The following ZNF470 variants were observed in gnomAD, a reference collection of about 807,000 sequenced individuals.
The protein encoded by ZNF470 is zinc finger protein 470.
A neutral mutation model predicts 13.9 loss-of-function variants in ZNF470; 13 were observed. That is an observed-to-expected ratio of 0.94 (90% CI 0.61 to 1.49). The LOEUF is 1.49. ZNF470 is among the 40% of genes most tolerant of loss of function. ZNF470 has a pLI of 0.00. For missense variants in ZNF470, 929 were observed against 857.3 expected, an observed-to-expected ratio of 1.08 and a Z score of -1.04; for synonymous variants, 293 against 282.9, an observed-to-expected ratio of 1.04 and a Z score of -0.36.
Position 56,579,025 on chromosome 19 carries a change from TGGTACACAA to T in ZNF470, c.*447_*455del, listed in dbSNP as rs368496260. 2,214 of 987,674 alleles carry T rather than the reference TGGTACACAA, an allele frequency of 2.2e-3. 4 individuals carry two copies. Among genetic ancestry groups the T allele is most frequent in the Admixed American group, 2.6e-3 (42 of 16,448 alleles). The allele number at this position is 987,674 out of a possible 1,614,324, so 61.2% of individuals were successfully genotyped here. On this transcript the variant is annotated 3_prime_UTR_variant, in exon 6 of 6. Transcript: ENST00000330619. ...AACAAACTCAGAATTGAAAGATTTA[TGGTACACAA>T]GGTAACATGGTGGCTTATCACTCCC... is the stretch of plus-strand genomic sequence containing the variant.
chr19:56,581,404 A>G lies in ZNF470; in HGVS notation c.*2821A>G. 1 of 969,302 alleles carries G rather than the reference A, an allele frequency of 1.0e-6. No homozygotes were observed. The highest frequency in any genetic ancestry group is 1.2e-6 in the Non-Finnish European group (1 of 815,222). 60.0% of individuals were successfully genotyped at this position (969,302 alleles called of 1,614,324 possible). On this transcript the variant is annotated 3_prime_UTR_variant, in exon 6 of 6. Coordinates refer to ENST00000330619, the MANE Select transcript of ZNF470 (RefSeq NM_001001668.4). ...TACATATCTATTGCTTTATGTATAT[A>G]CCCTTTGAATTAATATTCCTTGGAA... is the stretch of plus-strand genomic sequence containing the variant.
rs1333476935 is a variant in ZNF470 at position 56,579,462 on chromosome 19, A to G, written c.*879A>G. The G allele has an allele frequency of 1.0e-6, 1 of 985,342 alleles. No homozygotes were observed. Among genetic ancestry groups the G allele is most frequent in the East Asian group, 1.1e-4 (1 of 8,824 alleles). 61.0% of individuals were successfully genotyped at this position (985,342 alleles called of 1,614,324 possible). On this transcript the variant is annotated 3_prime_UTR_variant, in exon 6 of 6. Coordinates refer to ENST00000330619, the MANE Select transcript of ZNF470 (RefSeq NM_001001668.4). ...ACAAAAGCATTTGGTAGAATGTAGGACTAACCAGGGTAGGTAGTAGTAAAC... is the reference window on the plus strand; with the variant it reads ...ACAAAAGCATTTGGTAGAATGTAGGGCTAACCAGGGTAGGTAGTAGTAAAC...
rs1430448988 is a variant in ZNF470 at position 56,577,277 on chromosome 19, C to T, written c.848C>T (p.Pro283Leu). ...QHQRIHTGEK[P>L]FECTECGKAF... ...CAGAGAATACACACAGGAGAAAAAC[C>T]TTTTGAATGTACTGAATGTGGGAAA... The change falls in exon 6 of 6, where the codon CCT becomes CTT. Residue 283 changes from proline (P) to leucine (L), a missense_variant. Physicochemically the swap from Pro to Leu is moderately conservative, Grantham distance 98. Coordinates refer to ENST00000330619, the MANE Select transcript of ZNF470 (RefSeq NM_001001668.4). The T allele has an allele frequency of 1.9e-6, 3 of 1,613,138 alleles. No homozygotes were observed. The highest frequency in any genetic ancestry group is 2.5e-6 in the Non-Finnish European group (3 of 1,179,552).
Position 56,582,252 on chromosome 19 carries a change from A to G in ZNF470, c.*3669A>G. 1 of 985,334 alleles carries G rather than the reference A, an allele frequency of 1.0e-6. No homozygotes were observed. Among genetic ancestry groups the G allele is most frequent in the Non-Finnish European group, 1.2e-6 (1 of 829,912 alleles). 61.0% of individuals were successfully genotyped at this position (985,334 alleles called of 1,614,324 possible). Reference sequence around the variant, plus strand: ...TAATGATAATTTAAGGAGGATGGAGAATGCTGAATCCAAAAGGTATATGTA... The same window carrying G: ...TAATGATAATTTAAGGAGGATGGAGGATGCTGAATCCAAAAGGTATATGTA... On this transcript the variant is annotated 3_prime_UTR_variant, in exon 6 of 6. Transcript: ENST00000330619.
rs1282937987 is a variant in ZNF470 at position 56,581,388 on chromosome 19, A to G, written c.*2805A>G. The G allele has an allele frequency of 4.2e-6, 4 of 960,610 alleles. No homozygotes were observed. The highest frequency in any genetic ancestry group is 5.0e-6 in the Non-Finnish European group (4 of 807,352). The allele number at this position is 960,610 out of a possible 1,614,324, so 59.5% of individuals were successfully genotyped here. ...GAATTCCATTGTTGATTACATATCTATTGCTTTATGTATATACCCTTTGAA... is the reference window on the plus strand; with the variant it reads ...GAATTCCATTGTTGATTACATATCTGTTGCTTTATGTATATACCCTTTGAA... On this transcript the variant is annotated 3_prime_UTR_variant, in exon 6 of 6. Coordinates refer to ENST00000330619, the MANE Select transcript of ZNF470 (RefSeq NM_001001668.4).
intron 5 of ZNF470, among the ~76,000 whole-genome samples, chr19:56,576,268 A>G (rs2044487697): frequency 6.6e-6 from 1 of 152,172 alleles, no homozygotes; most frequent in Non-Finnish European, 1.5e-5. Flanking sequence ...GAAATGTAGA[A>G]TGTTGTATAG....
rs371751279 is a variant in ZNF470 at position 56,570,303 on chromosome 19, C to A, written c.-9C>A. 1.2e-6 allele frequency: 2 copies of A among 1,614,016 alleles called. No homozygotes were observed. Among genetic ancestry groups the A allele is most frequent in the Admixed American group, 3.3e-5 (2 of 60,026 alleles). ...AGCTCTACAATCCCAGAGTAAAGCT[C>A]TTCTCCAAATGAAGAGCCAGGAAGA... On this transcript the variant is annotated 5_prime_UTR_variant, in exon 3 of 6. Transcript: ENST00000330619.
Position 56,580,209 on chromosome 19 carries a change from A to T in ZNF470, c.*1626A>T. 1 of 960,158 alleles carries T rather than the reference A, an allele frequency of 1.0e-6. No homozygotes were observed. Among genetic ancestry groups the T allele is most frequent in the Non-Finnish European group, 1.2e-6 (1 of 807,132 alleles). 59.5% of individuals were successfully genotyped at this position (960,158 alleles called of 1,614,324 possible). A position where few individuals can be genotyped will look rare whatever the true frequency, so the allele number is the denominator to read the frequency against. ...GAGGTAACTGTGAGACACAAAAGGCATAATGAAAATAGTCATGATAGTCCC... is the reference window on the plus strand; with the variant it reads ...GAGGTAACTGTGAGACACAAAAGGCTTAATGAAAATAGTCATGATAGTCCC... On this transcript the variant is annotated 3_prime_UTR_variant, in exon 6 of 6. Coordinates refer to ENST00000330619, the MANE Select transcript of ZNF470 (RefSeq NM_001001668.4).
At position 56,578,478 on chromosome 19, in the gene ZNF470, A is replaced by C; in HGVS notation, c.2049A>C (p.Gly683=). The C allele has an allele frequency of 6.2e-7, 1 of 1,612,062 alleles. No individual in the cohort carries two copies. The highest frequency in any genetic ancestry group is 8.5e-7 in the Non-Finnish European group (1 of 1,178,968). ...GERPYECKEC[G]KAFRQSVHLA... is the part of the protein sequence containing the mutation. ...GGCCCTATGAGTGTAAAGAATGTGG[A>C]AAAGCCTTCAGGCAGAGTGTACATC... Residue 683 remains glycine (G), a synonymous_variant, in exon 6 of 6, where the codon GGA becomes GGC. Transcript: ENST00000330619.
At position 56,577,582 on chromosome 19, in the gene ZNF470, C is replaced by T. The variant is rs751765490; in HGVS notation, c.1153C>T (p.Arg385Cys). 51 of 1,613,912 alleles carry T rather than the reference C, an allele frequency of 3.2e-5. 1 individual carries two copies. Among genetic ancestry groups the T allele is most frequent in the Admixed American group, 1.3e-4 (8 of 59,978 alleles). Residue 385 changes from arginine (R) to cysteine (C), a missense_variant, in exon 6 of 6, where the codon CGT (arginine) becomes TGT (cysteine). Transcript: ENST00000330619. ...TTTCAGGCAGAATGCTTCTCTTATA[C>T]GTCATCGGCGATATTATCATACTGG... ...KAFRQNASLIRHRRYYHTGEK... is the reference protein window; with the variant it reads ...KAFRQNASLICHRRYYHTGEK...
At chr19:56,570,403 A>C (rs1404052608) in intron 3 of ZNF470, 32 bp downstream of exon 3, 4 of 1,609,252 alleles carry the variant, frequency 2.5e-6, no homozygotes, top group Non-Finnish European at 3.4e-6. Flanking sequence ...CCCCACTAAA[A>C]TAGTTTTGCT....
chr19:56,580,974 A>G lies in ZNF470; in HGVS notation c.*2391A>G, dbSNP rs1166265737. 2 of 984,790 alleles carry G rather than the reference A, an allele frequency of 2.0e-6. No homozygotes were observed. 61.0% of individuals were successfully genotyped at this position (984,790 alleles called of 1,614,324 possible). A position where few individuals can be genotyped will look rare whatever the true frequency, so the allele number is the denominator to read the frequency against. Reference sequence around the variant, plus strand: ...TCTAAATGTAAAATTAAAGTACATGAAAAACAGAATAATATATATGTACCC... The same window carrying G: ...TCTAAATGTAAAATTAAAGTACATGGAAAACAGAATAATATATATGTACCC... On this transcript the variant is annotated 3_prime_UTR_variant, in exon 6 of 6. Coordinates refer to ENST00000330619, the MANE Select transcript of ZNF470 (RefSeq NM_001001668.4).
rs764158996 is a variant in ZNF470 at position 56,570,265 on chromosome 19, T to A, written c.-32-15T>A. On this transcript the variant is annotated splice_polypyrimidine_tract_variant and intron_variant, in intron 2 of 5. Transcript: ENST00000330619. ...TAGTGCTACTTGGTTTCTCACTACT[T>A]CTTTTTCTCCCCAGCTCTACAATCC... 1.5e-5 allele frequency: 24 copies of A among 1,592,104 alleles called. No homozygotes were observed. The highest frequency in any genetic ancestry group is 2.0e-5 in the Non-Finnish European group (23 of 1,161,344).
chr19:56,573,635 T>A (rs934060672), intron 3 of ZNF470, among the ~76,000 whole-genome samples: 4 of 152,200 alleles, frequency 2.6e-5, no homozygotes, highest in African/African-American at 9.6e-5. Context: ...CCTGATAATT[T>A]CCCATTAGAT....
At chr19:56,574,090 TTG>T in intron 3 of ZNF470, 2 of 384,066 alleles carry the variant, frequency 5.2e-6, no homozygotes, top group Non-Finnish European at 7.1e-6. Context: ...GCGTTAGCAC[TTG>T]ATTATATCCT....
Position 56,579,370 on chromosome 19 carries a change from C to G in ZNF470, c.*787C>G. On this transcript the variant is annotated 3_prime_UTR_variant, in exon 6 of 6. Transcript: ENST00000330619. Reference sequence around the variant, plus strand: ...CCAGGAGGTAGAGGTTGCAGTGAGTCATGATCACACCACTGCAATTCCAGC... The same window carrying G: ...CCAGGAGGTAGAGGTTGCAGTGAGTGATGATCACACCACTGCAATTCCAGC... 1.1e-6 allele frequency: 1 copy of G among 880,762 alleles called. No homozygotes were observed. Among genetic ancestry groups the G allele is most frequent in the Non-Finnish European group, 1.4e-6 (1 of 734,572 alleles). 54.6% of individuals were successfully genotyped at this position (880,762 alleles called of 1,614,324 possible).
intron 5 of ZNF470, 77 bp downstream of exon 5, chr19:56,574,810 C>A (rs2044478263): frequency 8.1e-7 from 1 of 1,241,232 alleles, no homozygotes; most frequent in South Asian, 1.4e-5. Context: ...GAAAACACCT[C>A]TCAAACTCCC....
chr19:56,577,160 C>A lies in ZNF470; in HGVS notation c.731C>A (p.Thr244Asn). 1 of 1,613,470 alleles carries A rather than the reference C, an allele frequency of 6.2e-7. No individual in the cohort carries two copies. Among genetic ancestry groups the A allele is most frequent in the Non-Finnish European group, 8.5e-7 (1 of 1,179,840 alleles). The change falls in exon 6 of 6, where the codon ACT becomes AAT. Residue 244 changes from threonine to asparagine, a missense_variant. Transcript: ENST00000330619. ...ATATTCAGCAAAATCTCAACCCTTA[C>A]TCTTCACCAAAGAATTCATACAGGA... is the stretch of plus-strand genomic sequence containing the variant. Reference protein sequence around the residue: ...EKIFSKISTLTLHQRIHTGEK... With the variant: ...EKIFSKISTLNLHQRIHTGEK...
In ZNF470 at chr19:56,576,735, C is replaced by A. The variant is rs2044490989; in HGVS notation, c.306C>A (p.Thr102=). The stretch of plus-strand genomic sequence containing the variant: ...CAGACTTGGAGTGTGTGTGGGTGAC[C>A]AAATCATTATCTTTAAACCAGGATA... The part of the protein sequence containing the change: ...LCPDLECVWV[T]KSLSLNQDIY... The change falls in exon 6 of 6, where the codon ACC becomes ACA. Residue 102 remains threonine, a synonymous_variant. Transcript: ENST00000330619. 1 of 1,470,168 alleles carries A rather than the reference C, an allele frequency of 6.8e-7. No individual in the cohort carries two copies. Among genetic ancestry groups the A allele is most frequent in the African/African-American group, 1.4e-5 (1 of 70,656 alleles). 91.1% of individuals were successfully genotyped at this position (1,470,168 alleles called of 1,614,324 possible).
Sources: gnomAD v4.1 joint callset for allele counts (sites outside exome capture counted in the v4.1 genomes callset) on GRCh38, gnomAD v4.1.1 for gene constraint, MANE v1.5 for transcripts, NCBI Gene and HGNC (gene_info 2026-07-23, HGNC 2026-07-21) for gene names.